FAT3: variants seen among roughly 807,000 people sequenced by gnomAD.
FAT3 encodes the protein FAT atypical cadherin 3, also known as protocadherin Fat 3.
A neutral mutation model predicts 310.2 loss-of-function variants in FAT3; 95 were observed. The ratio of observed to expected loss-of-function variants is 0.31; its 90% CI spans 0.26 to 0.36. FAT3 has a LOEUF of 0.36. FAT3 is among the 10% of genes least tolerant of loss of function. The pLI is 1.00. For missense variants in FAT3, 5,408 were observed against 5,715.6 expected, an observed-to-expected ratio of 0.95 and a Z score of 1.74; for synonymous variants, 2,314 against 2,192.9, an observed-to-expected ratio of 1.06 and a Z score of -1.54.
At chr11:92,611,188 A>G (rs1049667779) in intron 3 of FAT3, among the ~76,000 whole-genome samples, 1 of 152,022 alleles carries the variant, frequency 6.6e-6, no homozygotes, top group Non-Finnish European at 1.5e-5. Context: ...TGCAGTGACA[A>G]TCATAGCTCA....
intron 1 of FAT3, among the ~76,000 whole-genome samples, chr11:92,287,126 T>A (rs955127526): frequency 6.6e-6 from 1 of 152,148 alleles, no homozygotes; most frequent in Non-Finnish European, 1.5e-5. Context: ...GCTTTGCAGG[T>A]GTATCTTAGA....
chr11:92,775,804 G>A (rs913906420), intron 7 of FAT3, among the ~76,000 whole-genome samples: 3 of 152,084 alleles, frequency 2.0e-5, no homozygotes, highest in South Asian at 4.2e-4. Context: ...AGCCAGGGTC[G>A]AGGACCCCAT....
At chr11:92,685,148 A>G (rs1456395361) in intron 3 of FAT3, among the ~76,000 whole-genome samples, 1 of 152,212 alleles carries the variant, frequency 6.6e-6, no homozygotes. Context: ...CTGATAGGTT[A>G]TCAATCCCTA....
At chr11:92,269,232 A>G (rs1946054573) in intron 1 of FAT3, among the ~76,000 whole-genome samples, 1 of 151,424 alleles carries the variant, frequency 6.6e-6, no homozygotes, top group African/African-American at 2.5e-5. Flanking sequence ...GAAATGCCAT[A>G]GAAGCTGAGA....
At chr11:92,785,480 A>G (rs1946865898) in intron 7 of FAT3, among the ~76,000 whole-genome samples, 1 of 152,180 alleles carries the variant, frequency 6.6e-6, no homozygotes, top group Non-Finnish European at 1.5e-5. Context: ...TGAAAAACTC[A>G]AAAGACTGAA....
intron 1 of FAT3, among the ~76,000 whole-genome samples, chr11:92,349,446 C>T (rs2134618246): frequency 6.6e-6 from 1 of 152,346 alleles, no homozygotes; most frequent in Non-Finnish European, 1.5e-5. Context: ...GGTTCTTTTG[C>T]TCCCATATTT....
At position 92,837,750 on chromosome 11, in the gene FAT3, G is replaced by A; in HGVS notation, c.10312G>A (p.Asp3438Asn). 1 of 1,613,952 alleles carries A rather than the reference G, an allele frequency of 6.2e-7. No homozygotes were observed. The highest frequency in any genetic ancestry group is 8.5e-7 in the Non-Finnish European group (1 of 1,179,888). The change falls in exon 17 of 28, where the codon GAT becomes AAT. Residue 3438 changes from aspartate (D) to asparagine (N), a missense_variant. By Grantham distance (23) the Asp-to-Asn change is conservative. This residue lies in a region of FAT3 where 4,588 missense variants were observed against 4,809.8 expected (regional missense o/e 0.95). Coordinates refer to ENST00000525166, the MANE Select transcript of FAT3 (RefSeq NM_001367949.2). ...STATVNIDIS[D>N]VNDNSPVFTP... is the part of the protein sequence containing the mutation. ...TGCAACTGTCAACATTGATATTTCT[G>A]ATGTGAATGACAACAGCCCGGTGTT... is the stretch of plus-strand genomic sequence containing the variant.
At chr11:92,415,020 A>G (rs1182720013) in intron 2 of FAT3, among the ~76,000 whole-genome samples, 2 of 152,160 alleles carry the variant, frequency 1.3e-5, no homozygotes, top group African/African-American at 2.4e-5. Flanking sequence ...AAAAAAAAAA[A>G]AAATTCTGAA....
intron 1 of FAT3, among the ~76,000 whole-genome samples, chr11:92,316,076 T>A (rs1947453545): frequency 6.6e-6 from 1 of 151,844 alleles, no homozygotes; most frequent in Non-Finnish European, 1.5e-5. Context: ...ATTATATGTT[T>A]TGGTGAAAAA....
chr11:92,587,366 G>T (rs749984603), intron 3 of FAT3, among the ~76,000 whole-genome samples: 3 of 151,836 alleles, frequency 2.0e-5, no homozygotes. Context: ...TTATTTAAAA[G>T]GTGCTATGAT....
chr11:92,724,292 A>G (rs1289859540), intron 4 of FAT3, among the ~76,000 whole-genome samples: 1 of 152,146 alleles, frequency 6.6e-6, no homozygotes, highest in Non-Finnish European at 1.5e-5. Context: ...GCCACATAGT[A>G]CTTTCAGGTT....
At chr11:92,482,080 C>CT (rs1441495682) in intron 2 of FAT3, among the ~76,000 whole-genome samples, 2 of 151,854 alleles carry the variant, frequency 1.3e-5, no homozygotes. Flanking sequence ...TAAACGTGGT[C>CT]TTTTTTTTAC....
At chr11:92,655,151 G>A (rs142161874) in intron 3 of FAT3, among the ~76,000 whole-genome samples, 17 of 152,172 alleles carry the variant, frequency 1.1e-4, no homozygotes, top group African/African-American at 4.1e-4. Flanking sequence ...CACCCAACAT[G>A]TATTAGTTAT....
intron 3 of FAT3, among the ~76,000 whole-genome samples, chr11:92,590,250 G>A (rs1187219852): frequency 2.0e-5 from 3 of 152,216 alleles, no homozygotes; most frequent in African/African-American, 7.2e-5. Flanking sequence ...TTCAAAATGA[G>A]TAAGTCTGGA....
intron 6 of FAT3, among the ~76,000 whole-genome samples, chr11:92,766,234 C>G (rs560998157): frequency 6.6e-6 from 1 of 152,290 alleles, no homozygotes; most frequent in South Asian, 2.1e-4. Context: ...TGCCGAGGAC[C>G]AGGAAACAAA....
chr11:92,405,000 C>A (rs1267230516), intron 2 of FAT3, among the ~76,000 whole-genome samples: 1 of 152,076 alleles, frequency 6.6e-6, no homozygotes, highest in African/African-American at 2.4e-5. Flanking sequence ...CTTTCCTGGG[C>A]CTCCAGCTTG....
intron 2 of FAT3, among the ~76,000 whole-genome samples, chr11:92,433,816 C>G (rs916478633): frequency 8.6e-5 from 13 of 151,712 alleles, no homozygotes; most frequent in Non-Finnish European, 1.5e-4. Flanking sequence ...TGAGACCATT[C>G]TGGTTAACAT....
At chr11:92,389,204 G>A (rs543943311) in intron 2 of FAT3, among the ~76,000 whole-genome samples, 3 of 152,294 alleles carry the variant, frequency 2.0e-5, no homozygotes, top group African/African-American at 7.2e-5. Context: ...GTCTCAGTCA[G>A]TTTGGGCTGC....
chr11:92,440,406 G>A (rs2135070960), intron 2 of FAT3, among the ~76,000 whole-genome samples: 1 of 152,342 alleles, frequency 6.6e-6, no homozygotes, highest in Non-Finnish European at 1.5e-5. Flanking sequence ...GGGCAAGAAA[G>A]CCACTGCCTG....
Sources: allele counts gnomAD v4.1 joint callset (sites outside exome capture counted in the v4.1 genomes callset), GRCh38; gene constraint gnomAD v4.1.1; regional missense constraint gnomAD v4.1.1; transcripts MANE v1.5; gene names NCBI Gene and HGNC (gene_info 2026-07-23, HGNC 2026-07-21).